MYO1B: variants seen among roughly 807,000 people sequenced by gnomAD.
MYO1B encodes the protein unconventional myosin-Ib.
A neutral mutation model predicts 159.7 loss-of-function variants in MYO1B; 72 were observed. The ratio of observed to expected loss-of-function variants is 0.45; its 90% confidence interval spans 0.37 to 0.55. The LOEUF (loss-of-function observed/expected upper bound fraction) is 0.55, where lower values mean the gene tolerates loss of function less well. MYO1B is among the 20% of genes least tolerant of loss of function. MYO1B has a pLI of 0.00. For missense variants in MYO1B, 1,062 were observed against 1,364.8 expected (o/e 0.78, Z 3.50); for synonymous variants, 468 against 473.8 (o/e 0.99, Z 0.16).
At chr2:191,408,981 T>G (rs1697096813) in intron 25 of MYO1B, 63 bp from the exon 26 acceptor site, 1 of 1,513,970 alleles carries the variant, frequency 6.6e-7, no homozygotes, top group Non-Finnish European at 8.9e-7. Flanking sequence ...TCATGATGTA[T>G]GTAAAACAGT....
chr2:191,402,496 G>T (rs1196324291), intron 23 of MYO1B, 136 bp from the exon 24 acceptor site: 17 of 744,894 alleles, frequency 2.3e-5, no homozygotes. Context: ...GGTTTAAATT[G>T]TTATGCACTG....
chr2:191,279,739 T>G (rs1687944495), intron 2 of MYO1B, among the ~76,000 whole-genome samples: 1 of 152,054 alleles, frequency 6.6e-6, no homozygotes, highest in Non-Finnish European at 1.5e-5. Context: ...TGTTTTTCAA[T>G]TCTTTCCAAG....
chr2:191,284,577 G>A (rs1187829302), intron 2 of MYO1B, among the ~76,000 whole-genome samples: 2 of 152,148 alleles, frequency 1.3e-5, no homozygotes. Flanking sequence ...TAGGTGCCCC[G>A]ACTGTCTGAA....
At chr2:191,363,907 T>C in intron 10 of MYO1B, 32 bp downstream of exon 10, 2 of 1,613,184 alleles carry the variant, frequency 1.2e-6, no homozygotes, top group Non-Finnish European at 1.7e-6. Flanking sequence ...TTTGTTTGTT[T>C]AGGAAACTTG....
intron 3 of MYO1B, among the ~76,000 whole-genome samples, chr2:191,311,829 C>T (rs748940735): frequency 8.7e-4 from 133 of 152,288 alleles, no homozygotes; most frequent in Middle Eastern, 3.4e-3. Context: ...TATCTGGTTA[C>T]TCATTACCTG....
intron 3 of MYO1B, among the ~76,000 whole-genome samples, chr2:191,316,316 C>T (rs1291586201): frequency 1.3e-5 from 2 of 152,174 alleles, no homozygotes; most frequent in Non-Finnish European, 2.9e-5. Flanking sequence ...CCCCTCATCT[C>T]TACAGAGATT....
intron 8 of MYO1B, among the ~76,000 whole-genome samples, chr2:191,361,297 G>T (rs977716754): frequency 6.6e-6 from 1 of 152,184 alleles, no homozygotes; most frequent in Non-Finnish European, 1.5e-5. Context: ...CTAATTAAAT[G>T]AGTACAATTC....
At chr2:191,391,543 T>C (rs929129467) in intron 18 of MYO1B, among the ~76,000 whole-genome samples, 1 of 151,990 alleles carries the variant, frequency 6.6e-6, no homozygotes, top group Non-Finnish European at 1.5e-5. Flanking sequence ...CTGCCTGGCA[T>C]CTAGTCTGCA....
chr2:191,384,801 G>A (rs1211825730), intron 15 of MYO1B, among the ~76,000 whole-genome samples: 1 of 152,128 alleles, frequency 6.6e-6, no homozygotes, highest in Non-Finnish European at 1.5e-5. Context: ...GATTATCTCA[G>A]CCAAAAATCC....
At chr2:191,297,011 G>C (rs1326178768) in intron 3 of MYO1B, among the ~76,000 whole-genome samples, 2 of 152,250 alleles carry the variant, frequency 1.3e-5, no homozygotes, top group Middle Eastern at 3.4e-3. Flanking sequence ...GTTGGAGAGA[G>C]AATACCCAGA....
intron 11 of MYO1B, 57 bp from the exon 12 acceptor site, chr2:191,369,485 A>G (rs1694227964): frequency 8.0e-7 from 1 of 1,243,510 alleles, no homozygotes; most frequent in Non-Finnish European, 1.2e-6. Flanking sequence ...TGATTTTATT[A>G]AAAGTAAGCA....
intron 15 of MYO1B, among the ~76,000 whole-genome samples, 195 bp downstream of exon 15, chr2:191,383,537 CACACACACACAT>C (rs1333058375): frequency 1.7e-4 from 22 of 128,522 alleles, no homozygotes; most frequent in Admixed American, 6.5e-4. Flanking sequence ...CACACACACA[CACACACACACAT>C]ATATATATAT....
chr2:191,291,809 A>G (rs147839284), intron 2 of MYO1B, among the ~76,000 whole-genome samples: 119 of 152,364 alleles, frequency 7.8e-4, no homozygotes, highest in African/African-American at 2.8e-3. Flanking sequence ...TCTGGTCACT[A>G]TCATTCTGAT....
At chr2:191,389,455 T>G (rs1418301923) in intron 17 of MYO1B, among the ~76,000 whole-genome samples, 1 of 152,248 alleles carries the variant, frequency 6.6e-6, no homozygotes, top group Non-Finnish European at 1.5e-5. Context: ...CTCTGCCGTT[T>G]CCTGGGCGTG....
In MYO1B at chr2:191,250,307, A is replaced by G. The variant is rs565015701; in HGVS notation, c.-10+4681A>G. Among the ~76,000 whole-genome samples the G allele has an allele frequency of 1.7e-3, 258 of 152,332 alleles. 3 individuals carry two copies. Among genetic ancestry groups the G allele is most frequent in the East Asian group, 1.2e-3 (6 of 5,184 alleles). On this transcript the variant is annotated intron_variant, in intron 1 of 30. Coordinates refer to ENST00000392318, the MANE Select transcript of MYO1B (RefSeq NM_001130158.3). ...TCTGACTTAGGTTTTATTTCCTCCAATCTCCAATGATGTGAAAGCGTTCAG... is the reference window on the plus strand; with the variant it reads ...TCTGACTTAGGTTTTATTTCCTCCAGTCTCCAATGATGTGAAAGCGTTCAG...
chr2:191,280,597 T>C, intron 2 of MYO1B, among the ~76,000 whole-genome samples: 1 of 152,142 alleles, frequency 6.6e-6, no homozygotes, highest in East Asian at 1.9e-4. Context: ...CACACTCCCT[T>C]CTCAAACCAT....
intron 23 of MYO1B, chr2:191,401,799 G>A (rs1696632630): frequency 6.6e-6 from 1 of 152,188 alleles, no homozygotes; most frequent in Non-Finnish European, 1.5e-5. Context: ...AGTCAACTGA[G>A]GGAAATGTCA....
At chr2:191,328,562 C>A (rs750844158) in intron 3 of MYO1B, among the ~76,000 whole-genome samples, 5 of 152,204 alleles carry the variant, frequency 3.3e-5, no homozygotes, top group Admixed American at 6.5e-5. Flanking sequence ...ACGTAAAGAG[C>A]TTGGAGGCAG....
intron 12 of MYO1B, 66 bp downstream of exon 12, chr2:191,369,694 A>G: frequency 8.2e-7 from 1 of 1,213,480 alleles, no homozygotes; most frequent in African/African-American, 1.5e-5. Context: ...CATTAAGTTG[A>G]AGAAAGTTTA....
Sources: allele counts gnomAD v4.1 joint callset (sites outside exome capture counted in the v4.1 genomes callset), GRCh38; gene constraint gnomAD v4.1.1; transcripts MANE v1.5; gene names NCBI Gene and HGNC (gene_info 2026-07-23, HGNC 2026-07-21).